DHRS12: variants seen among roughly 807,000 people sequenced by gnomAD.
The protein encoded by DHRS12 is dehydrogenase/reductase SDR family member 12.
Under a neutral mutation model 32.1 loss-of-function variants are expected in DHRS12, and 29 were observed. The observed-to-expected ratio is 0.90, with a 90% CI of 0.67 to 1.23. DHRS12 has a LOEUF of 1.23. Ranked by LOEUF, DHRS12 falls within the 50% of genes most tolerant of loss-of-function variation. DHRS12 has a pLI of 0.00. For synonymous variants in DHRS12, 150 were observed against 135.9 expected (o/e 1.10, Z -0.72); for missense variants, 330 against 337.2 (o/e 0.98, Z 0.17).
At chr13:51,800,667 T>A (rs939354312) in intron 1 of DHRS12, among the ~76,000 whole-genome samples, 3 of 152,266 alleles carry the variant, frequency 2.0e-5, no homozygotes, top group Non-Finnish European at 2.9e-5. Context: ...TCCTGCCCCA[T>A]GCCCTGGTAC....
chr13:51,780,708 G>A lies in DHRS12; in HGVS notation c.302-3587C>T, dbSNP rs1185412333. 3.9e-5 allele frequency among the ~76,000 whole-genome samples: 6 copies of A among 152,218 alleles called. No homozygotes were observed. The East Asian group carries it at 1.2e-3, about 29-fold the overall frequency. On this transcript the variant is annotated intron_variant, in intron 4 of 8. Coordinates refer to ENST00000444610, the MANE Select transcript of DHRS12 (RefSeq NM_001377533.1). Reference sequence around the variant, plus strand: ...TCAACTAATTGAGAGGTAAAACTGTGTGGAGCACAGGTGATGCTGAAGGAG... The same window carrying A: ...TCAACTAATTGAGAGGTAAAACTGTATGGAGCACAGGTGATGCTGAAGGAG...
chr13:51,784,236 G>A (rs1176880120), intron 4 of DHRS12, among the ~76,000 whole-genome samples: 1 of 152,166 alleles, frequency 6.6e-6, no homozygotes, highest in Non-Finnish European at 1.5e-5. Flanking sequence ...CCATCAGCAG[G>A]TGGCTTCTGC....
At chr13:51,777,190 G>A in intron 4 of DHRS12, 69 bp from the exon 5 acceptor site, 1 of 1,580,372 alleles carries the variant, frequency 6.3e-7, no homozygotes, top group Admixed American at 1.7e-5. Context: ...CTGCAGGACT[G>A]ATGTGGGGAC....
chr13:51,761,939 C>T, the DHRS12 span: 2 of 152,372 alleles, frequency 1.3e-5, no homozygotes, highest in South Asian at 2.1e-4. Context: ...CCCTTGCTTG[C>T]GTCAGTCAAA....
At chr13:51,796,573 T>C (rs1955520524) in intron 2 of DHRS12, among the ~76,000 whole-genome samples, 3 of 152,118 alleles carry the variant, frequency 2.0e-5, no homozygotes, top group Admixed American at 1.3e-4. Context: ...GCCAAACAGA[T>C]CCATATTATC....
Position 51,768,256 on chromosome 13 carries a change from C to T in DHRS12, c.738G>A (p.Ala246=), listed in dbSNP as rs758774186. 67 of 1,535,978 alleles carry T rather than the reference C, an allele frequency of 4.4e-5. No individual in the cohort carries two copies. The highest frequency in any genetic ancestry group is 5.4e-5 in the Non-Finnish European group (62 of 1,146,924). The change falls in exon 9 of 9, where the codon GCG becomes GCA. Residue 246 remains alanine, a synonymous_variant. Transcript: ENST00000444610. Reference sequence around the variant, plus strand: ...TCTCCTCTTCGGCCGGTGAGGAGGACGCTGTAGCGAGAGGCAAGTGTGTAG... The same window carrying T: ...TCTCCTCTTCGGCCGGTGAGGAGGATGCTGTAGCGAGAGGCAAGTGTGTAG... ...PVSTHLPLAT[A]SSSPAEEEKL...
At chr13:51,796,290 C>G (rs1955509329) in intron 2 of DHRS12, among the ~76,000 whole-genome samples, 1 of 152,072 alleles carries the variant, frequency 6.6e-6, no homozygotes, top group Non-Finnish European at 1.5e-5. Flanking sequence ...CCTGGCAGAG[C>G]CTGGAGGAGA....
In DHRS12 at chr13:51,769,266, T is replaced by G. The variant is rs143368917; in HGVS notation, c.587A>C (p.His196Pro). Residue 196 changes from histidine to proline, a missense_variant, in exon 8 of 9, where the codon CAC (histidine) becomes CCC (proline). Coordinates refer to ENST00000444610, the MANE Select transcript of DHRS12 (RefSeq NM_001377533.1). ...GCGCAGGCGGTCCCCGAACCTGGCG[T>G]GGAACCCCGGCATCGCCTGCCTCAC... The part of the protein sequence containing the change: ...PGVRQAMPGF[H>P]ARFGDRLRSE... 3.8e-3 allele frequency: 5,971 copies of G among 1,583,560 alleles called. 15 individuals carry two copies. The highest frequency in any genetic ancestry group is 4.8e-3 in the Non-Finnish European group (5,643 of 1,164,340).
rs1441655512 is a variant in DHRS12 at position 51,804,110 on chromosome 13, G to A, written c.-65C>T. 1 of 1,488,928 alleles carries A rather than the reference G, an allele frequency of 6.7e-7. No homozygotes were observed. The allele number at this position is 1,488,928 out of a possible 1,614,324, so 92.2% of individuals were successfully genotyped here. On this transcript the variant is annotated 5_prime_UTR_variant, in exon 1 of 9. Transcript: ENST00000444610. The stretch of plus-strand genomic sequence containing the variant: ...ACACGACGCTGCGGTACAGGGACAT[G>A]CCGGGAGCGCCCCACGCCTAGCCCC...
the DHRS12 span, chr13:51,759,732 T>A: frequency 6.2e-7 from 1 of 1,614,016 alleles, no homozygotes; most frequent in Non-Finnish European, 8.5e-7. Context: ...TTCTTTTTCT[T>A]TTTGCAGTTG....
At chr13:51,799,271 C>T (rs537645879) in intron 2 of DHRS12, among the ~76,000 whole-genome samples, 2 of 152,258 alleles carry the variant, frequency 1.3e-5, no homozygotes, top group South Asian at 4.1e-4. Flanking sequence ...TTGAGCCCCT[C>T]GCTGTTCTTA....
At chr13:51,760,043 G>A in the DHRS12 span, 20 of 353,620 alleles carry the variant, frequency 5.7e-5, no homozygotes, top group African/African-American at 3.3e-4. Context: ...TGAGTGTACC[G>A]AAAAATCTGT....
intron 4 of DHRS12, among the ~76,000 whole-genome samples, chr13:51,786,088 G>T (rs1362148405): frequency 6.6e-6 from 1 of 152,216 alleles, no homozygotes; most frequent in Non-Finnish European, 1.5e-5. Flanking sequence ...CCCGAGGAGG[G>T]TGCCACGTAA....
Position 51,768,997 on chromosome 13 carries a change from A to C in DHRS12, c.697+159T>G. The C allele has an allele frequency of 2.1e-6, 3 of 1,424,586 alleles. 1 individual carries two copies. The highest frequency in any genetic ancestry group is 2.8e-6 in the Non-Finnish European group (3 of 1,089,762). 88.2% of individuals were successfully genotyped at this position (1,424,586 alleles called of 1,614,324 possible). Reference sequence around the variant, plus strand: ...CTGGAGTGAAGCGCTTCCCAAAACTAACCTCAGCAGGCAAAGCAATCATCT... The same window carrying C: ...CTGGAGTGAAGCGCTTCCCAAAACTCACCTCAGCAGGCAAAGCAATCATCT... On this transcript the variant is annotated intron_variant, in intron 8 of 8. Coordinates refer to ENST00000444610, the MANE Select transcript of DHRS12 (RefSeq NM_001377533.1).
At chr13:51,770,712 C>T (rs1300541403) in intron 7 of DHRS12, 1 of 984,374 alleles carries the variant, frequency 1.0e-6, no homozygotes, top group Non-Finnish European at 1.2e-6. Context: ...TGCCACAAAG[C>T]ACCAACACAC....
the DHRS12 span, chr13:51,758,407 C>T: frequency 4.7e-4 from 344 of 731,332 alleles, 2 homozygotes; most frequent in African/African-American, 5.4e-3. Context: ...CTTGGGTAGC[C>T]GGCCATGGTG....
At chr13:51,781,724 G>A (rs1409394604) in intron 4 of DHRS12, among the ~76,000 whole-genome samples, 3 of 152,336 alleles carry the variant, frequency 2.0e-5, no homozygotes, top group Non-Finnish European at 4.4e-5. Flanking sequence ...CAAGGCAGCT[G>A]CAACCGAGTG....
At chr13:51,794,659 C>T (rs1313286677) in intron 2 of DHRS12, among the ~76,000 whole-genome samples, 1 of 152,162 alleles carries the variant, frequency 6.6e-6, no homozygotes, top group Non-Finnish European at 1.5e-5. Context: ...TGATCTTTCC[C>T]TCTAAAACCC....
intron 2 of DHRS12, among the ~76,000 whole-genome samples, chr13:51,795,228 C>T (rs518210): frequency 6.6e-6 from 1 of 151,970 alleles, no homozygotes; most frequent in African/African-American, 2.4e-5. Flanking sequence ...CAACCATGCA[C>T]GCAGGACCAG....
Sources: gnomAD v4.1 joint callset for allele counts (sites outside exome capture counted in the v4.1 genomes callset) on GRCh38, gnomAD v4.1.1 for gene constraint, MANE v1.5 for transcripts, NCBI Gene and HGNC (gene_info 2026-07-23, HGNC 2026-07-21) for gene names.